CTNNA3: variants seen among roughly 807,000 people sequenced by gnomAD.
The protein encoded by CTNNA3 is catenin alpha-3.
A neutral mutation model predicts 95.7 loss-of-function variants in CTNNA3; 76 were observed. The observed-to-expected ratio is 0.79, with a 90% CI of 0.66 to 0.96. The LOEUF is 0.96. Among genes scored for constraint, CTNNA3 ranks in the 40% least tolerant of loss-of-function variants. CTNNA3 has a pLI of 0.00. For missense variants in CTNNA3, 1,191 were observed against 1,089.8 expected, an observed-to-expected ratio of 1.09 and a Z score of -1.31; for synonymous variants, 431 against 374.4, an observed-to-expected ratio of 1.15 and a Z score of -1.74.
At chr10:67,372,463 A>C (rs1843510163) in intron 5 of CTNNA3, among the ~76,000 whole-genome samples, 1 of 152,222 alleles carries the variant, frequency 6.6e-6, no homozygotes, top group South Asian at 2.1e-4. Context: ...CCTCCAAGAA[A>C]TATGGGACTA....
intron 5 of CTNNA3, among the ~76,000 whole-genome samples, chr10:67,377,935 A>G (rs1843759090): frequency 6.6e-6 from 1 of 152,004 alleles, no homozygotes; most frequent in Non-Finnish European, 1.5e-5. Flanking sequence ...AGGCTGGAGT[A>G]GTAGCACAAT....
In CTNNA3 at chr10:66,414,143, T is replaced by TA. The variant is rs535288901; in HGVS notation, c.1532-34792dup. On this transcript the variant is annotated intron_variant, in intron 11 of 17. Coordinates refer to ENST00000433211, the MANE Select transcript of CTNNA3 (RefSeq NM_013266.4). ...AAACACTTAAATATATTAGTATGTT[T>TA]AAAACAAATGCTCTGGTTAGGTAGG... Among the ~76,000 whole-genome samples the TA allele has an allele frequency of 3.3e-3, 504 of 152,322 alleles. 1 individual carries two copies. The highest frequency in any genetic ancestry group is 0.012 in the African/African-American group (483 of 41,566).
chr10:66,354,423 G>A (rs566031703), intron 12 of CTNNA3, among the ~76,000 whole-genome samples: 1 of 151,892 alleles, frequency 6.6e-6, no homozygotes, highest in East Asian at 1.9e-4. Flanking sequence ...GTCTCATAAA[G>A]CACATTGTTC....
intron 7 of CTNNA3, among the ~76,000 whole-genome samples, chr10:66,902,443 C>T (rs759995438): frequency 3.9e-5 from 6 of 152,024 alleles, no homozygotes; most frequent in South Asian, 2.1e-4. Flanking sequence ...GATACAAAAT[C>T]GACACCCTAA....
intron 9 of CTNNA3, among the ~76,000 whole-genome samples, chr10:66,632,648 A>T (rs1845185505): frequency 2.0e-5 from 3 of 152,016 alleles, no homozygotes. Flanking sequence ...TAATGGTAAA[A>T]AATATTGGTG....
chr10:66,729,267 A>T (rs1848877073), intron 9 of CTNNA3, among the ~76,000 whole-genome samples: 1 of 152,256 alleles, frequency 6.6e-6, no homozygotes, highest in Non-Finnish European at 1.5e-5. Context: ...ATCTCATGCC[A>T]GTCAGAATAG....
chr10:66,129,911 A>G (rs2133844309), intron 13 of CTNNA3, among the ~76,000 whole-genome samples: 2 of 152,226 alleles, frequency 1.3e-5, no homozygotes, highest in Middle Eastern at 3.4e-3. Context: ...GACAGTGCAC[A>G]TGAACCCTGC....
chr10:67,239,350 G>A (rs1254780503), intron 5 of CTNNA3, among the ~76,000 whole-genome samples: 1 of 127,818 alleles, frequency 7.8e-6, no homozygotes. Context: ...AAGAAAAAAA[G>A]ACAGCTACAC....
intron 9 of CTNNA3, among the ~76,000 whole-genome samples, chr10:66,635,990 CTGTGTG>C (rs10527642): frequency 0.076 from 11,043 of 145,790 alleles, 432 homozygotes; most frequent in Non-Finnish European, 0.081. Flanking sequence ...TGGAAGAACA[CTGTGTG>C]TGTGTGTGTG....
chr10:67,181,953 G>C (rs1361851609), intron 6 of CTNNA3, among the ~76,000 whole-genome samples: 1 of 151,992 alleles, frequency 6.6e-6, no homozygotes, highest in Non-Finnish European at 1.5e-5. Context: ...GCTACAAAGA[G>C]AATAAAATAC....
Position 66,679,613 on chromosome 10 carries a change from C to T in CTNNA3, c.1282-57829G>A, listed in dbSNP as rs539082041. ...TCCACTCCAATAGATTTGATTTTAC[C>T]CCAGAAGTATTCTTCATTTTTATCA... On this transcript the variant is annotated intron_variant, in intron 9 of 17. Coordinates refer to ENST00000433211, the MANE Select transcript of CTNNA3 (RefSeq NM_013266.4). Among the ~76,000 whole-genome samples, 14 of 152,204 alleles carry T rather than the reference C, an allele frequency of 9.2e-5. No homozygotes were observed. The South Asian group carries it at 2.9e-3, about 32-fold the overall frequency.
chr10:67,743,301 C>T (rs1458253025), intron 1 of CTNNA3, among the ~76,000 whole-genome samples: 3 of 151,182 alleles, frequency 2.0e-5, no homozygotes, highest in African/African-American at 7.3e-5. Context: ...AGCTTATCCA[C>T]CATGATCAAG....
At chr10:67,696,922 A>C (rs964794940), upstream of CTNNA3, among the ~76,000 whole-genome samples, 4 of 152,198 alleles carry the variant, frequency 2.6e-5, no homozygotes, top group Non-Finnish European at 5.9e-5. Flanking sequence ...CTTTCTTCTA[A>C]TAGCTTCTAA....
At chr10:65,955,940 T>C (rs2077720257) in intron 17 of CTNNA3, among the ~76,000 whole-genome samples, 1 of 152,198 alleles carries the variant, frequency 6.6e-6, no homozygotes, top group Non-Finnish European at 1.5e-5. Context: ...TTTCCATTGA[T>C]TGGAATAGTT....
At chr10:67,733,061 C>A (rs1237703024) in intron 1 of CTNNA3, among the ~76,000 whole-genome samples, 1 of 152,038 alleles carries the variant, frequency 6.6e-6, no homozygotes, top group Non-Finnish European at 1.5e-5. Flanking sequence ...TTCCAACACC[C>A]CACTACATAA....
In CTNNA3 at chr10:67,171,901, T is replaced by C. The variant is rs77195747; in HGVS notation, c.1047+8416A>G. ...TAGGCAAAAATTAAAATTCAGCTTG[T>C]TTTAGAAGGAAAAAAATATTGGGAG... On this transcript the variant is annotated intron_variant, in intron 7 of 17. Transcript: ENST00000433211. Among the ~76,000 whole-genome samples, 1,297 of 152,332 alleles carry C rather than the reference T, an allele frequency of 8.5e-3. 28 individuals are homozygous for C. The highest frequency in any genetic ancestry group is 0.029 in the African/African-American group (1,220 of 41,580).
chr10:66,822,862 C>T (rs573415283), intron 7 of CTNNA3, among the ~76,000 whole-genome samples: 2 of 152,280 alleles, frequency 1.3e-5, no homozygotes, highest in East Asian at 3.9e-4. Flanking sequence ...AAGTAAGGAA[C>T]CTTTACATTT....
intron 5 of CTNNA3, among the ~76,000 whole-genome samples, chr10:67,369,207 C>A (rs1169987083): frequency 1.3e-5 from 2 of 151,962 alleles, no homozygotes; most frequent in Non-Finnish European, 2.9e-5. Context: ...AATTAAAAAT[C>A]CAAAAATAGA....
chr10:66,617,021 A>T (rs1167843023), intron 10 of CTNNA3, among the ~76,000 whole-genome samples: 1 of 151,978 alleles, frequency 6.6e-6, no homozygotes, highest in African/African-American at 2.4e-5. Context: ...TATACACTGA[A>T]CAAATATTTA....
Sources: gnomAD v4.1 joint callset for allele counts (sites outside exome capture counted in the v4.1 genomes callset) on GRCh38, gnomAD v4.1.1 for gene constraint, MANE v1.5 for transcripts, NCBI Gene and HGNC (gene_info 2026-07-23, HGNC 2026-07-21) for gene names.